The following SPATA16 variants were observed in gnomAD, a reference collection of about 807,000 sequenced individuals.
SPATA16 encodes spermatogenesis associated 16.
A neutral mutation model predicts 63.3 loss-of-function variants in SPATA16; 36 were observed. The ratio of observed to expected loss-of-function variants is 0.57; its 90% CI spans 0.44 to 0.75. SPATA16 has a LOEUF of 0.75. Among genes scored for constraint, SPATA16 ranks in the 30% least tolerant of loss-of-function variants. The pLI, the probability that SPATA16 is intolerant of heterozygous loss-of-function variation, is 0.00. For synonymous variants in SPATA16, 203 were observed against 216.7 expected (o/e 0.94, Z 0.56); for missense variants, 646 against 679.3 (o/e 0.95, Z 0.54).
In SPATA16 at chr3:173,117,183, G is replaced by A; in HGVS notation, c.549C>T (p.Ala183=). The A allele has an allele frequency of 6.2e-7, 1 of 1,614,078 alleles. No homozygotes were observed. The highest frequency in any genetic ancestry group is 1.7e-5 in the Admixed American group (1 of 60,018). Residue 183 remains alanine, a synonymous_variant, in exon 2 of 11, where the codon GCC becomes GCT. Coordinates refer to ENST00000351008, the MANE Select transcript of SPATA16 (RefSeq NM_031955.6). Reference sequence around the variant, plus strand: ...ATTTCTTTTGTCTATAGCAAGAGCTGGCATCCTTTAAGGCTACCTGAAGCC... The same window carrying A: ...ATTTCTTTTGTCTATAGCAAGAGCTAGCATCCTTTAAGGCTACCTGAAGCC... ...DKWLQVALKD[A]SSCYRQKKYA... is the part of the protein sequence containing the mutation.
At chr3:172,971,226 A>G (rs185676945) in intron 5 of SPATA16, among the ~76,000 whole-genome samples, 5 of 152,290 alleles carry the variant, frequency 3.3e-5, no homozygotes, top group African/African-American at 1.2e-4. Context: ...TTGATCCCAA[A>G]CTCAACTGAA....
At chr3:173,051,924 G>C (rs929388391) in intron 2 of SPATA16, among the ~76,000 whole-genome samples, 7 of 151,774 alleles carry the variant, frequency 4.6e-5, no homozygotes, top group Non-Finnish European at 1.0e-4. Context: ...CGATTCTCCT[G>C]CCTCAGCCGC....
intron 6 of SPATA16, among the ~76,000 whole-genome samples, chr3:172,927,509 A>G (rs926446124): frequency 2.6e-5 from 4 of 152,192 alleles, no homozygotes; most frequent in African/African-American, 9.7e-5. Context: ...AGTGAGGGCT[A>G]ATATTCATCT....
In SPATA16 at chr3:173,069,385, A is replaced by G. The variant is rs1342003187; in HGVS notation, c.613-20291T>C. Among the ~76,000 whole-genome samples the G allele has an allele frequency of 5.3e-5, 8 of 152,302 alleles. No homozygotes were observed. The South Asian group carries it at 1.7e-3, about 32-fold the overall frequency. ...ACATCAATAAATTGGAAAAACTAGA[A>G]GAAACAGATAAATTTCTAGACACAT... On this transcript the variant is annotated intron_variant, in intron 2 of 10. Coordinates refer to ENST00000351008, the MANE Select transcript of SPATA16 (RefSeq NM_031955.6).
At chr3:173,004,595 A>G (rs1469438696) in intron 4 of SPATA16, among the ~76,000 whole-genome samples, 1 of 152,236 alleles carries the variant, frequency 6.6e-6, no homozygotes, top group African/African-American at 2.4e-5. Flanking sequence ...GTCTTATGCT[A>G]TAATACCCCA....
intron 6 of SPATA16, among the ~76,000 whole-genome samples, chr3:172,942,093 C>T (rs1216841450): frequency 6.6e-6 from 1 of 152,014 alleles, no homozygotes; most frequent in East Asian, 1.9e-4. Flanking sequence ...AATAACCAAA[C>T]ATAACACAGA....
At chr3:172,965,402 A>G (rs937016595) in intron 5 of SPATA16, among the ~76,000 whole-genome samples, 2 of 152,176 alleles carry the variant, frequency 1.3e-5, no homozygotes, top group Non-Finnish European at 2.9e-5. Context: ...TTAGCAGGAA[A>G]CAGAGGCTTC....
intron 4 of SPATA16, among the ~76,000 whole-genome samples, chr3:173,002,834 G>A (rs1734855625): frequency 6.6e-6 from 1 of 152,164 alleles, no homozygotes; most frequent in Non-Finnish European, 1.5e-5. Flanking sequence ...ATAAAATGGT[G>A]TCAAAATAAT....
chr3:172,924,861 T>C (rs1732692084), intron 7 of SPATA16, among the ~76,000 whole-genome samples: 1 of 152,204 alleles, frequency 6.6e-6, no homozygotes, highest in Admixed American at 6.5e-5. Flanking sequence ...TTCTTGAGTT[T>C]TGAAAGTTTC....
intron 3 of SPATA16, among the ~76,000 whole-genome samples, chr3:173,031,116 T>G (rs113000441): frequency 6.6e-5 from 10 of 152,166 alleles, no homozygotes; most frequent in African/African-American, 2.2e-4. Context: ...AGGCATAGAC[T>G]TTTAGTTTTG....
chr3:172,955,723 G>A (rs1276013017), intron 6 of SPATA16, among the ~76,000 whole-genome samples: 3 of 152,154 alleles, frequency 2.0e-5, no homozygotes, highest in African/African-American at 7.2e-5. Flanking sequence ...GTAGCTTGAT[G>A]GCATGTTCAC....
At chr3:172,907,550 C>T (rs9871582) in intron 10 of SPATA16, among the ~76,000 whole-genome samples, 19,701 of 151,686 alleles carry the variant, frequency 0.13, 1,828 homozygotes, top group African/African-American at 0.26. Flanking sequence ...TGCATGTTGG[C>T]ACACTCCAAT....
chr3:173,019,715 G>GC (rs1198415456), intron 3 of SPATA16, 140 bp from the exon 4 acceptor site: 13 of 741,456 alleles, frequency 1.8e-5, no homozygotes, highest in South Asian at 1.4e-4. Context: ...GCCCTTCCCC[G>GC]CCCCCCGTAA....
At chr3:173,022,383 G>T (rs1391870363) in intron 3 of SPATA16, among the ~76,000 whole-genome samples, 1 of 152,070 alleles carries the variant, frequency 6.6e-6, no homozygotes, top group Non-Finnish European at 1.5e-5. Context: ...TACTCTGAAA[G>T]TGTAATTATA....
chr3:173,021,158 G>C (rs187310499), intron 3 of SPATA16, among the ~76,000 whole-genome samples: 1 of 152,138 alleles, frequency 6.6e-6, no homozygotes. Flanking sequence ...TCATAGAATC[G>C]TATGATGATG....
In SPATA16 at chr3:172,927,970, C is replaced by T. The variant is rs972437375; in HGVS notation, c.1082-2478G>A. Among the ~76,000 whole-genome samples, 11 of 151,736 alleles carry T rather than the reference C, an allele frequency of 7.2e-5. 1 individual carries two copies. Among genetic ancestry groups the T allele is most frequent in the Non-Finnish European group, 1.6e-4 (11 of 67,972 alleles). On this transcript the variant is annotated intron_variant, in intron 6 of 10. Transcript: ENST00000351008. ...GTCTACCCAGGCTGGAGTGCAATGG[C>T]ACTATCTTGGCTCACTGCAAACTCC...
chr3:172,893,384 C>T (rs951402138), intron 10 of SPATA16, among the ~76,000 whole-genome samples: 3 of 152,046 alleles, frequency 2.0e-5, no homozygotes, highest in Non-Finnish European at 2.9e-5. Context: ...AGCCAAGGTA[C>T]GATAAAGAAT....
At chr3:173,117,883 T>C in intron 1 of SPATA16, 134 bp from the exon 2 acceptor site, 1 of 1,381,934 alleles carries the variant, frequency 7.2e-7, no homozygotes, top group Non-Finnish European at 9.8e-7. Flanking sequence ...AAACTGTATT[T>C]ACATAATCTA....
chr3:173,069,380 C>T (rs1736612273), intron 2 of SPATA16, among the ~76,000 whole-genome samples: 1 of 152,062 alleles, frequency 6.6e-6, no homozygotes, highest in East Asian at 1.9e-4. Flanking sequence ...ATTGGAAAAA[C>T]TAGAAGAAAC....
Sources: gnomAD v4.1 joint callset for allele counts (sites outside exome capture counted in the v4.1 genomes callset) on GRCh38, gnomAD v4.1.1 for gene constraint, MANE v1.5 for transcripts, NCBI Gene and HGNC (gene_info 2026-07-23, HGNC 2026-07-21) for gene names.